The following WDPCP variants were observed in gnomAD, a reference collection of about 807,000 sequenced individuals.
The protein encoded by WDPCP is WD repeat-containing and planar cell polarity effector protein fritz homolog.
Under a neutral mutation model 93.1 loss-of-function variants are expected in WDPCP, and 71 were observed. The ratio of observed to expected loss-of-function variants is 0.76; its 90% CI spans 0.63 to 0.93. WDPCP has a LOEUF of 0.93. Ranked by LOEUF, WDPCP falls within the 40% of genes least tolerant of loss-of-function variation. The pLI, the probability that WDPCP is intolerant of heterozygous loss-of-function variation, is 0.00. For missense variants in WDPCP, 844 were observed against 887.4 expected (o/e 0.95, Z 0.62); for synonymous variants, 315 against 315.0 (o/e 1.00, Z 0.00).
At chr2:63,676,370 G>C (rs964440769) in intron 2 of WDPCP, among the ~76,000 whole-genome samples, 9 of 152,182 alleles carry the variant, frequency 5.9e-5, no homozygotes, top group Non-Finnish European at 7.4e-5. Context: ...AGTGACCCTG[G>C]AAAACACCTC....
chr2:63,828,527 G>A (rs1423159248), upstream of WDPCP, among the ~76,000 whole-genome samples: 10 of 152,034 alleles, frequency 6.6e-5, no homozygotes, highest in Admixed American at 6.6e-4. Flanking sequence ...CGGTGCCTAA[G>A]GCTCAAACAT....
At chr2:63,470,260 C>T (rs1372646879) in intron 6 of WDPCP, among the ~76,000 whole-genome samples, 4 of 152,332 alleles carry the variant, frequency 2.6e-5, no homozygotes, top group Non-Finnish European at 5.9e-5. Flanking sequence ...ATTTATACAT[C>T]TGGCCCAAAT....
At position 63,277,171 on chromosome 2, in the gene WDPCP, A is replaced by C. The variant is rs528628128; in HGVS notation, c.1813-17762T>G. Among the ~76,000 whole-genome samples the C allele has an allele frequency of 5.9e-5, 9 of 152,296 alleles. No homozygotes were observed. The South Asian group carries it at 1.9e-3, about 32-fold the overall frequency. The stretch of plus-strand genomic sequence containing the variant: ...AAGATACAGTCTTTTCCAGACAGAC[A>C]AATGCTGAGAGAATTCGCCACTACC... On this transcript the variant is annotated intron_variant, in intron 13 of 17. Coordinates refer to ENST00000272321, the MANE Select transcript of WDPCP (RefSeq NM_015910.7).
chr2:63,143,029 C>T (rs1014458978), intron 17 of WDPCP, among the ~76,000 whole-genome samples: 4 of 152,000 alleles, frequency 2.6e-5, no homozygotes, highest in African/African-American at 4.8e-5. Flanking sequence ...TGGCTCACTA[C>T]ACTTTCTGCC....
At chr2:63,559,449 AG>A (rs1264007505) in intron 1 of WDPCP, among the ~76,000 whole-genome samples, 1 of 152,240 alleles carries the variant, frequency 6.6e-6, no homozygotes, top group East Asian at 1.9e-4. Flanking sequence ...AAAGAAATAA[AG>A]GGTATTCAAA....
chr2:63,503,099 T>C (rs1045206257), intron 1 of WDPCP, among the ~76,000 whole-genome samples: 5 of 152,190 alleles, frequency 3.3e-5, no homozygotes, highest in Non-Finnish European at 7.3e-5. Context: ...ATTTGGAAAA[T>C]ATTTCTCTAG....
chr2:63,159,575 T>G (rs1300481853), intron 15 of WDPCP, among the ~76,000 whole-genome samples: 1 of 152,228 alleles, frequency 6.6e-6, no homozygotes, highest in Non-Finnish European at 1.5e-5. Flanking sequence ...GACTTGATCT[T>G]GTTAAAATTC....
intron 9 of WDPCP, among the ~76,000 whole-genome samples, chr2:63,407,211 A>G (rs944058895): frequency 2.0e-5 from 3 of 152,102 alleles, no homozygotes; most frequent in African/African-American, 7.2e-5. Context: ...CCATGCAGCC[A>G]TGTGGGAAAG....
intron 14 of WDPCP, among the ~76,000 whole-genome samples, chr2:63,209,329 G>C (rs773163997): frequency 6.6e-6 from 1 of 152,206 alleles, no homozygotes; most frequent in Non-Finnish European, 1.5e-5. Flanking sequence ...GGTAGGAACA[G>C]TAGGAATCTT....
intron 2 of WDPCP, among the ~76,000 whole-genome samples, chr2:63,760,231 CA>C (rs1670035736): frequency 6.6e-6 from 1 of 152,156 alleles, no homozygotes; most frequent in African/African-American, 2.4e-5. Context: ...CCCTTCTGAG[CA>C]TGAGGCCTTA....
chr2:63,629,094 C>T (rs1205133289), intron 3 of WDPCP, among the ~76,000 whole-genome samples: 2 of 152,080 alleles, frequency 1.3e-5, no homozygotes, highest in Non-Finnish European at 2.9e-5. Context: ...TTTATTTTTA[C>T]CTTGTATAGA....
At position 63,574,747 on chromosome 2, in the gene WDPCP, C is replaced by A. The variant is rs977005830; in HGVS notation, c.75+13450G>T. On this transcript the variant is annotated intron_variant, in intron 1 of 17. Coordinates refer to ENST00000272321, the MANE Select transcript of WDPCP (RefSeq NM_015910.7). Reference sequence around the variant, plus strand: ...TCAGTGAGTGTTTTGGCTAGCTTGTCCATTTGTCTGTCATTGACTAGGCCA... The same window carrying A: ...TCAGTGAGTGTTTTGGCTAGCTTGTACATTTGTCTGTCATTGACTAGGCCA... Among the ~76,000 whole-genome samples the A allele has an allele frequency of 4.6e-5, 7 of 152,206 alleles. No homozygotes were observed. In the East Asian group the frequency reaches 1.4e-3, roughly 29 times the overall value.
chr2:63,276,903 A>G (rs1375896309), intron 13 of WDPCP, among the ~76,000 whole-genome samples: 1 of 152,230 alleles, frequency 6.6e-6, no homozygotes, highest in Non-Finnish European at 1.5e-5. Context: ...TCACAAAAAG[A>G]TCATTGTTTA....
intron 12 of WDPCP, among the ~76,000 whole-genome samples, chr2:63,324,708 C>T (rs772841911): frequency 5.3e-5 from 8 of 152,142 alleles, no homozygotes; most frequent in Non-Finnish European, 7.4e-5. Flanking sequence ...AAATGACAGC[C>T]AAAGAAAGGG....
At chr2:63,560,457 G>C (rs1706519347) in intron 1 of WDPCP, among the ~76,000 whole-genome samples, 1 of 152,108 alleles carries the variant, frequency 6.6e-6, no homozygotes, top group African/African-American at 2.4e-5. Flanking sequence ...ACAACCATCT[G>C]ATCTTCAACA....
chr2:63,737,407 C>A (rs1216512593), intron 2 of WDPCP, among the ~76,000 whole-genome samples: 1 of 152,184 alleles, frequency 6.6e-6, no homozygotes, highest in African/African-American at 2.4e-5. Flanking sequence ...ATTACAGACA[C>A]TTTGGGGTCA....
At position 63,120,693 on chromosome 2, in the gene WDPCP, AT is replaced by A. The variant is rs538097900; in HGVS notation, c.*1312del. ...AGGTGCACGCCACCACGCCCGGCTA[AT>A]TTTTTTTTTTTTTGTATTTTTAGTA... is the stretch of plus-strand genomic sequence containing the variant. On this transcript the variant is annotated 3_prime_UTR_variant, in exon 18 of 18. Coordinates refer to ENST00000272321, the MANE Select transcript of WDPCP (RefSeq NM_015910.7). Among the ~76,000 whole-genome samples the A allele has an allele frequency of 6.0e-3, 851 of 142,270 alleles. 2 individuals are homozygous for A. The highest frequency in any genetic ancestry group is 0.015 in the African/African-American group (590 of 38,898). 93.3% of individuals were successfully genotyped at this position (142,270 alleles called of 152,430 possible).
intron 12 of WDPCP, among the ~76,000 whole-genome samples, chr2:63,358,215 T>A (rs1690167740): frequency 6.6e-6 from 1 of 152,094 alleles, no homozygotes; most frequent in African/African-American, 2.4e-5. Flanking sequence ...AACCTTCACA[T>A]GTATCTCTGA....
At chr2:63,473,379 T>C (rs2105835651) in intron 6 of WDPCP, among the ~76,000 whole-genome samples, 1 of 152,312 alleles carries the variant, frequency 6.6e-6, no homozygotes, top group African/African-American at 2.4e-5. Context: ...TTTAATGTGC[T>C]TAGTGTTTTC....
Sources: allele counts gnomAD v4.1 joint callset (sites outside exome capture counted in the v4.1 genomes callset), GRCh38; gene constraint gnomAD v4.1.1; transcripts MANE v1.5; gene names NCBI Gene and HGNC (gene_info 2026-07-23, HGNC 2026-07-21).